The following FSTL5 variants were observed in gnomAD, a reference collection of about 807,000 sequenced individuals.
The protein encoded by FSTL5 is follistatin like 5.
A neutral mutation model predicts 89.1 loss-of-function variants in FSTL5; 62 were observed. The observed-to-expected ratio is 0.70, with a 90% confidence interval of 0.57 to 0.86. FSTL5 has a LOEUF of 0.86. Among genes scored for constraint, FSTL5 ranks in the 40% least tolerant of loss-of-function variants. The pLI, the probability that FSTL5 is intolerant of heterozygous loss-of-function variation, is 0.00. For missense variants in FSTL5, 1,057 were observed against 1,001.6 expected (o/e 1.06, Z -0.75); for synonymous variants, 383 against 346.2 (o/e 1.11, Z -1.18).
intron 2 of FSTL5, among the ~76,000 whole-genome samples, chr4:162,105,617 ATTTAT>A (rs1336846203): frequency 1.3e-5 from 2 of 150,630 alleles, no homozygotes; most frequent in African/African-American, 2.5e-5. Flanking sequence ...TTCAAACATA[ATTTAT>A]TTTATTAGAA....
At chr4:161,910,137 C>T (rs981329356) in intron 4 of FSTL5, among the ~76,000 whole-genome samples, 1 of 152,158 alleles carries the variant, frequency 6.6e-6, no homozygotes, top group Non-Finnish European at 1.5e-5. Flanking sequence ...GCCCAATCTT[C>T]TGTCCTCCTT....
At chr4:161,860,010 T>C (rs1029838921) in intron 4 of FSTL5, among the ~76,000 whole-genome samples, 4 of 152,186 alleles carry the variant, frequency 2.6e-5, no homozygotes, top group Non-Finnish European at 5.9e-5. Context: ...GAATTTAAAA[T>C]CTTGTTTGTG....
chr4:161,996,608 T>C (rs1736303903), intron 3 of FSTL5, among the ~76,000 whole-genome samples: 1 of 152,242 alleles, frequency 6.6e-6, no homozygotes, highest in Non-Finnish European at 1.5e-5. Context: ...AAATTTAATG[T>C]CATTCAATAG....
intron 7 of FSTL5, among the ~76,000 whole-genome samples, chr4:161,605,507 T>TA (rs1229275321): frequency 1.3e-5 from 2 of 152,220 alleles, no homozygotes; most frequent in Non-Finnish European, 2.9e-5. Flanking sequence ...AAAAACATCT[T>TA]AGAGTTTCTC....
chr4:161,751,896 T>A (rs914164417), intron 6 of FSTL5, among the ~76,000 whole-genome samples: 1 of 152,188 alleles, frequency 6.6e-6, no homozygotes, highest in African/African-American at 2.4e-5. Flanking sequence ...ATTAAGTTGC[T>A]GCAAGGTTTC....
chr4:161,669,891 A>G (rs1275632661), intron 6 of FSTL5, among the ~76,000 whole-genome samples: 1 of 152,122 alleles, frequency 6.6e-6, no homozygotes, highest in African/African-American at 2.4e-5. Context: ...AAGTGTCCTT[A>G]AGGCTGTATT....
intron 10 of FSTL5, among the ~76,000 whole-genome samples, chr4:161,532,984 T>C (rs1039205206): frequency 1.3e-5 from 2 of 151,144 alleles, no homozygotes; most frequent in African/African-American, 2.4e-5. Context: ...AACTCTTGAG[T>C]GAACAATAAC....
intron 4 of FSTL5, among the ~76,000 whole-genome samples, chr4:161,828,201 C>A (rs1219467068): frequency 2.0e-5 from 3 of 152,176 alleles, no homozygotes; most frequent in African/African-American, 7.2e-5. Context: ...GGTAAGGTCA[C>A]ATACTTTTTC....
rs1731802752 is a variant in FSTL5, at chr4:161,541,022, T to C, written c.1177+1510A>G. On this transcript the variant is annotated intron_variant, in intron 9 of 15. Coordinates refer to ENST00000306100, the MANE Select transcript of FSTL5 (RefSeq NM_020116.5). Reference sequence around the variant, plus strand: ...TTTGTGCTTTCTTGGGATTTTACTCTCTCTAATTCACATATTATCCCAGCC... The same window carrying C: ...TTTGTGCTTTCTTGGGATTTTACTCCCTCTAATTCACATATTATCCCAGCC... Among the ~76,000 whole-genome samples, 3 of 152,074 alleles carry C rather than the reference T, an allele frequency of 2.0e-5. No homozygotes were observed. The South Asian group carries it at 6.2e-4, about 31-fold the overall frequency.
chr4:162,036,161 T>C (rs1269989740), intron 2 of FSTL5, among the ~76,000 whole-genome samples: 1 of 152,100 alleles, frequency 6.6e-6, no homozygotes, highest in East Asian at 1.9e-4. Context: ...AGGATTTACA[T>C]ATCTAAACCA....
At chr4:161,462,301 T>C (rs1187627887) in intron 13 of FSTL5, among the ~76,000 whole-genome samples, 1 of 152,206 alleles carries the variant, frequency 6.6e-6, no homozygotes, top group Non-Finnish European at 1.5e-5. Context: ...TGTGGATATG[T>C]TGCTCTCTTA....
chr4:162,087,740 C>G (rs552770949), intron 2 of FSTL5, among the ~76,000 whole-genome samples: 40 of 152,204 alleles, frequency 2.6e-4, no homozygotes, highest in Middle Eastern at 6.8e-3. Context: ...CACCACAGTG[C>G]TGCTTTGGAG....
intron 13 of FSTL5, among the ~76,000 whole-genome samples, chr4:161,477,649 C>T (rs531591968): frequency 1.1e-3 from 171 of 151,144 alleles, no homozygotes; most frequent in Non-Finnish European, 2.1e-3. Context: ...TATCTCTGAA[C>T]TTATTTAATC....
intron 6 of FSTL5, among the ~76,000 whole-genome samples, chr4:161,675,405 TA>T (rs1421367259): frequency 6.6e-6 from 1 of 151,312 alleles, no homozygotes; most frequent in Non-Finnish European, 1.5e-5. Flanking sequence ...AATATTTATC[TA>T]AAACTGCTTA....
At chr4:161,668,249 C>A (rs544366369) in intron 6 of FSTL5, among the ~76,000 whole-genome samples, 1 of 152,028 alleles carries the variant, frequency 6.6e-6, no homozygotes, top group Non-Finnish European at 1.5e-5. Context: ...AATTCTGTGC[C>A]CACAAATTTG....
intron 3 of FSTL5, among the ~76,000 whole-genome samples, chr4:161,929,996 T>C (rs1057325068): frequency 6.6e-6 from 1 of 151,784 alleles, no homozygotes; most frequent in South Asian, 2.1e-4. Context: ...AGAAACAATG[T>C]CAGATTTTTT....
At chr4:161,873,059 C>T (rs561282520) in intron 4 of FSTL5, among the ~76,000 whole-genome samples, 5 of 152,208 alleles carry the variant, frequency 3.3e-5, no homozygotes, top group African/African-American at 1.2e-4. Context: ...AAAATGTGTG[C>T]TTCACCAGAG....
chr4:161,984,989 T>C (rs549733605), intron 3 of FSTL5, among the ~76,000 whole-genome samples: 2 of 151,704 alleles, frequency 1.3e-5, no homozygotes, highest in African/African-American at 2.4e-5. Flanking sequence ...CATAGTCTCA[T>C]TCTGTTGCCC....
At chr4:161,594,436 C>T (rs1174078859) in intron 7 of FSTL5, among the ~76,000 whole-genome samples, 1 of 152,016 alleles carries the variant, frequency 6.6e-6, no homozygotes, top group African/African-American at 2.4e-5. Flanking sequence ...TAGTCTTTCC[C>T]TTTCTAGTAT....
Sources: gnomAD v4.1 joint callset for allele counts (sites outside exome capture counted in the v4.1 genomes callset) on GRCh38, gnomAD v4.1.1 for gene constraint, MANE v1.5 for transcripts, NCBI Gene and HGNC (gene_info 2026-07-23, HGNC 2026-07-21) for gene names.